The following SSTR2 variants were observed in gnomAD, a reference collection of about 807,000 sequenced individuals.
SSTR2 encodes somatostatin receptor type 2.
In SSTR2, 10 loss-of-function variants were observed where a neutral mutation model predicts 21.4. That is an observed-to-expected ratio of 0.47 (90% CI 0.29 to 0.79). The LOEUF (loss-of-function observed/expected upper bound fraction) is 0.79. Among genes scored for constraint, SSTR2 ranks in the 30% least tolerant of loss-of-function variants. SSTR2 has a pLI of 0.10. For missense variants in SSTR2, 364 were observed against 468.8 expected, an observed-to-expected ratio of 0.78 and a Z score of 2.06; for synonymous variants, 177 against 181.3, an observed-to-expected ratio of 0.98 and a Z score of 0.19.
intron 1 of SSTR2, among the ~76,000 whole-genome samples, chr17:73,167,422 C>T (rs2061219918): frequency 2.0e-5 from 3 of 152,156 alleles, no homozygotes; most frequent in African/African-American, 2.4e-5. Flanking sequence ...TGTTGCTGGC[C>T]AAGTCTCCTT....
chr17:73,172,261 T>C lies in SSTR2; in HGVS notation c.*1832T>C, dbSNP rs1338459063. The C allele has an allele frequency of 6.6e-6, 1 of 152,170 alleles. No homozygotes were observed. Among genetic ancestry groups the C allele is most frequent in the Non-Finnish European group, 1.5e-5 (1 of 68,036 alleles). The allele number at this position is 152,170 out of a possible 1,614,324, so 9.4% of individuals were successfully genotyped here. On this transcript the variant is annotated 3_prime_UTR_variant, in exon 2 of 2. Transcript: ENST00000357585. ...TTACAAGCGATAAGAAAAGAGACAA[T>C]ATCCATTTCATTGACTGATCATTTT...
In SSTR2 at chr17:73,171,587, G is replaced by A. The variant is rs1302434101; in HGVS notation, c.*1158G>A. The A allele has an allele frequency of 6.0e-6, 1 of 166,698 alleles. No homozygotes were observed. The highest frequency in any genetic ancestry group is 1.5e-5 in the Non-Finnish European group (1 of 68,068). 10.3% of individuals were successfully genotyped at this position (166,698 alleles called of 1,614,324 possible). ...ATGTAATTCGACGACTCCTCAAAGG[G>A]GACTTTAGAGGACTTCATACAAAGC... On this transcript the variant is annotated 3_prime_UTR_variant, in exon 2 of 2. Transcript: ENST00000357585.
At position 73,176,409 on chromosome 17, in the gene SSTR2, C is replaced by A. The variant is rs1349454921; in HGVS notation, c.*5980C>A. The A allele has an allele frequency of 2.0e-5, 3 of 152,128 alleles. No individual in the cohort carries two copies. Among genetic ancestry groups the A allele is most frequent in the Non-Finnish European group, 2.9e-5 (2 of 68,020 alleles). 9.4% of individuals were successfully genotyped at this position (152,128 alleles called of 1,614,324 possible). On this transcript the variant is annotated 3_prime_UTR_variant, in exon 2 of 2. Transcript: ENST00000357585. ...GGGACCCAGTGGGAGGTAATTGAATCATGGGGGTGGTTACCGCCATGCTGT... is the reference window on the plus strand; with the variant it reads ...GGGACCCAGTGGGAGGTAATTGAATAATGGGGGTGGTTACCGCCATGCTGT...
In SSTR2 at chr17:73,169,577, C is replaced by A. The variant is rs374983336; in HGVS notation, c.258C>A (p.Ala86=). 3.2e-5 allele frequency: 51 copies of A among 1,614,152 alleles called. No homozygotes were observed. Among genetic ancestry groups the A allele is most frequent in the Non-Finnish European group, 4.0e-5 (47 of 1,180,060 alleles). The change falls in exon 2 of 2, where the codon GCC becomes GCA. Residue 86 remains alanine (A), a synonymous_variant. Transcript: ENST00000357585. The surrounding 1 kb of genome is among the most constrained non-coding windows in gnomAD (Gnocchi z 5.2). ...CCAACATTTACATCCTCAACCTGGC[C>A]ATCGCAGATGAGCTCTTCATGCTGG... ...TITNIYILNL[A]IADELFMLGL...
Position 73,170,405 on chromosome 17 carries a change from T to C in SSTR2, c.1086T>C (p.Asn362=), listed in dbSNP as rs551144311. The change falls in exon 2 of 2, where the codon AAT becomes AAC. Residue 362 remains asparagine (N), a synonymous_variant. Coordinates refer to ENST00000357585, the MANE Select transcript of SSTR2 (RefSeq NM_001050.3). ...ETTETQRTLL[N]GDLQTSI ...CGGAGACCCAGAGGACCCTCCTCAA[T>C]GGAGACCTCCAAACCAGTATCTGAA... is the stretch of plus-strand genomic sequence containing the variant. 4 of 1,613,270 alleles carry C rather than the reference T, an allele frequency of 2.5e-6. No individual in the cohort carries two copies. In the East Asian group the frequency reaches 6.7e-5, roughly 27 times the overall value.
chr17:73,170,519 C>T lies in SSTR2; in HGVS notation c.*90C>T. 1.3e-6 allele frequency: 2 copies of T among 1,498,932 alleles called. No individual in the cohort carries two copies. The highest frequency in any genetic ancestry group is 9.2e-7 in the Non-Finnish European group (1 of 1,092,864). The allele number at this position is 1,498,932 out of a possible 1,614,324, so 92.9% of individuals were successfully genotyped here. On this transcript the variant is annotated 3_prime_UTR_variant, in exon 2 of 2. Transcript: ENST00000357585. ...CACTGGCTTCCTGCCTCCCACCCCT[C>T]ACACCTGGCTTCTAGAATAGAGGAT...
chr17:73,174,927 GA>G lies in SSTR2; in HGVS notation c.*4499del, dbSNP rs2061245158. On this transcript the variant is annotated 3_prime_UTR_variant, in exon 2 of 2. Transcript: ENST00000357585. ...CAGTTCTGTTTTAAGTAACAGAATT[GA>G]TAACTGAGCAGGGAAACGTAATTTG... The G allele has an allele frequency of 6.5e-6, 1 of 152,698 alleles. No individual in the cohort carries two copies. 9.5% of individuals were successfully genotyped at this position (152,698 alleles called of 1,614,324 possible).
In SSTR2 at chr17:73,173,320, ACC is replaced by A. The variant is rs2061240715; in HGVS notation, c.*2893_*2894del. On this transcript the variant is annotated 3_prime_UTR_variant, in exon 2 of 2. Transcript: ENST00000357585. ...CCTGTAACCTGAAAATGAAACGCAG[ACC>A]CAGGCATCTGTGGGTCTTCATCAGC... The A allele has an allele frequency of 6.6e-6, 1 of 152,258 alleles. No individual in the cohort carries two copies. Among genetic ancestry groups the A allele is most frequent in the Non-Finnish European group, 1.5e-5 (1 of 68,064 alleles). The allele number at this position is 152,258 out of a possible 1,614,324, so 9.4% of individuals were successfully genotyped here.
chr17:73,176,471 G>A lies in SSTR2; in HGVS notation c.*6042G>A, dbSNP rs1173362654. 1 of 152,102 alleles carries A rather than the reference G, an allele frequency of 6.6e-6. No individual in the cohort carries two copies. The highest frequency in any genetic ancestry group is 2.4e-5 in the African/African-American group (1 of 41,406). 9.4% of individuals were successfully genotyped at this position (152,102 alleles called of 1,614,324 possible). Reference sequence around the variant, plus strand: ...CGAGTGAGTTCTCACGAGATCTGATGGTTTTATAAGGGGCTTTCCCCCTCC... The same window carrying A: ...CGAGTGAGTTCTCACGAGATCTGATAGTTTTATAAGGGGCTTTCCCCCTCC... On this transcript the variant is annotated 3_prime_UTR_variant, in exon 2 of 2. Coordinates refer to ENST00000357585, the MANE Select transcript of SSTR2 (RefSeq NM_001050.3).
intron 1 of SSTR2, among the ~76,000 whole-genome samples, chr17:73,166,525 C>T (rs934110273): frequency 6.6e-6 from 1 of 152,188 alleles, no homozygotes; most frequent in African/African-American, 2.4e-5. Flanking sequence ...GGAAACCAAC[C>T]ACTAGCCATT....
Position 73,170,044 on chromosome 17 carries a change from T to C in SSTR2, c.725T>C (p.Val242Ala), listed in dbSNP as rs757945194. 16 of 1,614,042 alleles carry C rather than the reference T, an allele frequency of 9.9e-6. No individual in the cohort carries two copies. Among genetic ancestry groups the C allele is most frequent in the Non-Finnish European group, 1.4e-5 (16 of 1,180,032 alleles). ...IIKVKSSGIR[V>A]GSSKRKKSEK... ...AAGGTGAAGTCCTCTGGAATCCGAG[T>C]GGGCTCCTCTAAGAGGAAGAAGTCT... is the stretch of plus-strand genomic sequence containing the variant. Residue 242 changes from valine (V) to alanine (A), a missense_variant, in exon 2 of 2, where the codon GTG (valine) becomes GCG (alanine). Physicochemically the swap from Val to Ala is moderately conservative, Grantham distance 64. This residue lies in a region of SSTR2 where 193 missense variants were observed against 273.1 expected (regional missense o/e 0.71). Coordinates refer to ENST00000357585, the MANE Select transcript of SSTR2 (RefSeq NM_001050.3).
At chr17:73,167,223 G>A (rs1304929056) in intron 1 of SSTR2, among the ~76,000 whole-genome samples, 2 of 152,168 alleles carry the variant, frequency 1.3e-5, no homozygotes, top group Non-Finnish European at 2.9e-5. Flanking sequence ...GCCAGTCTAT[G>A]CTTTTTTACG....
chr17:73,166,681 T>C (rs2061217498), intron 1 of SSTR2, among the ~76,000 whole-genome samples: 1 of 152,106 alleles, frequency 6.6e-6, no homozygotes, highest in Admixed American at 6.5e-5. Context: ...GAAACAGAAG[T>C]CTCTGGAAGA....
chr17:73,171,331 C>A lies in SSTR2; in HGVS notation c.*902C>A, dbSNP rs2061234380. The A allele has an allele frequency of 6.0e-6, 1 of 166,350 alleles. No homozygotes were observed. Among genetic ancestry groups the A allele is most frequent in the South Asian group, 2.1e-4 (1 of 4,818 alleles). The allele number at this position is 166,350 out of a possible 1,614,324, so 10.3% of individuals were successfully genotyped here. A position where few individuals can be genotyped will look rare whatever the true frequency, so the allele number is the denominator to read the frequency against. The stretch of plus-strand genomic sequence containing the variant: ...CAAAGCCAACTTTGTTATAAGATTG[C>A]ATTTTTTTCTTTTCAAATTGCTTTA... On this transcript the variant is annotated 3_prime_UTR_variant, in exon 2 of 2. Coordinates refer to ENST00000357585, the MANE Select transcript of SSTR2 (RefSeq NM_001050.3).
At position 73,166,968 on chromosome 17, in the gene SSTR2, G is replaced by A. The variant is rs528157358; in HGVS notation, c.-93+1680G>A. On this transcript the variant is annotated intron_variant, in intron 1 of 1. Transcript: ENST00000357585. Reference sequence around the variant, plus strand: ...TTCCTAGCCCAAAAGCTCTTAGACAGGGGCTCTGCCAACCCAGGGGGATTC... The same window carrying A: ...TTCCTAGCCCAAAAGCTCTTAGACAAGGGCTCTGCCAACCCAGGGGGATTC... 1.1e-4 allele frequency among the ~76,000 whole-genome samples: 17 copies of A among 152,248 alleles called. No individual in the cohort carries two copies. The South Asian group carries it at 1.7e-3, about 15-fold the overall frequency.
chr17:73,172,165 T>C lies in SSTR2; in HGVS notation c.*1736T>C, dbSNP rs1236681113. ...TAATGCCATGGACTCACTGAGCCGCTCTGCAAGGACTATTGTAGACAGGCA... is the reference window on the plus strand; with the variant it reads ...TAATGCCATGGACTCACTGAGCCGCCCTGCAAGGACTATTGTAGACAGGCA... On this transcript the variant is annotated 3_prime_UTR_variant, in exon 2 of 2. Coordinates refer to ENST00000357585, the MANE Select transcript of SSTR2 (RefSeq NM_001050.3). The C allele has an allele frequency of 6.6e-6, 1 of 152,074 alleles. No homozygotes were observed. The highest frequency in any genetic ancestry group is 1.5e-5 in the Non-Finnish European group (1 of 68,024). 9.4% of individuals were successfully genotyped at this position (152,074 alleles called of 1,614,324 possible). A position where few individuals can be genotyped will look rare whatever the true frequency, so the allele number is the denominator to read the frequency against.
chr17:73,169,715 C>T lies in SSTR2; in HGVS notation c.396C>T (p.Cys132=). The change falls in exon 2 of 2, where the codon TGC becomes TGT. Residue 132 remains cysteine, a synonymous_variant. Coordinates refer to ENST00000357585, the MANE Select transcript of SSTR2 (RefSeq NM_001050.3). This position sits in a 1 kb window ranked among gnomAD's most constrained non-coding sequence, Gnocchi z 5.2. Reference sequence around the variant, plus strand: ...TCAATCAGTTCACCAGCATCTTCTGCCTGACAGTCATGAGCATCGACCGAT... The same window carrying T: ...TCAATCAGTTCACCAGCATCTTCTGTCTGACAGTCATGAGCATCGACCGAT... The part of the protein sequence containing the change: ...DGINQFTSIF[C]LTVMSIDRYL... 2.5e-6 allele frequency: 4 copies of T among 1,614,232 alleles called. No individual in the cohort carries two copies. Among genetic ancestry groups the T allele is most frequent in the Non-Finnish European group, 2.5e-6 (3 of 1,180,052 alleles).
At position 73,172,026 on chromosome 17, in the gene SSTR2, A is replaced by C. The variant is rs1435152623; in HGVS notation, c.*1597A>C. ...AAAACAAAAGCACCCTCACCTGCCA[A>C]TGAATATGCAGCGTGCAGGGGGTGT... On this transcript the variant is annotated 3_prime_UTR_variant, in exon 2 of 2. Coordinates refer to ENST00000357585, the MANE Select transcript of SSTR2 (RefSeq NM_001050.3). The C allele has an allele frequency of 6.6e-6, 1 of 151,264 alleles. No homozygotes were observed. Among genetic ancestry groups the C allele is most frequent in the African/African-American group, 2.4e-5 (1 of 41,148 alleles). 9.4% of individuals were successfully genotyped at this position (151,264 alleles called of 1,614,324 possible). A position where few individuals can be genotyped will look rare whatever the true frequency, so the allele number is the denominator to read the frequency against.
Position 73,170,874 on chromosome 17 carries a change from T to C in SSTR2, c.*445T>C. On this transcript the variant is annotated 3_prime_UTR_variant, in exon 2 of 2. Transcript: ENST00000357585. Reference sequence around the variant, plus strand: ...CACAAGTAGCAAATTCGAGTATGCATAGTGTAGATGGACATTTGCCACAAC... The same window carrying C: ...CACAAGTAGCAAATTCGAGTATGCACAGTGTAGATGGACATTTGCCACAAC... 1.5e-5 allele frequency: 6 copies of C among 396,606 alleles called. No homozygotes were observed. Among genetic ancestry groups the C allele is most frequent in the South Asian group, 1.2e-4 (6 of 50,870 alleles). 24.6% of individuals were successfully genotyped at this position (396,606 alleles called of 1,614,324 possible).
Sources: gnomAD v4.1 joint callset for allele counts (sites outside exome capture counted in the v4.1 genomes callset) on GRCh38, gnomAD v4.1.1 for gene constraint, gnomAD v4.1.1 regional missense constraint, Gnocchi (gnomAD v3.1) non-coding constraint, MANE v1.5 for transcripts, NCBI Gene and HGNC (gene_info 2026-07-23, HGNC 2026-07-21) for gene names.